The following GLRA3 variants were observed in gnomAD, a reference collection of about 807,000 sequenced individuals.
GLRA3 encodes the protein glycine receptor subunit alpha-3.
In GLRA3, 44 loss-of-function variants were observed where a neutral mutation model predicts 60.4. The observed-to-expected ratio is 0.73, with a 90% CI of 0.57 to 0.94. The LOEUF (loss-of-function observed/expected upper bound fraction) is 0.94, where lower values mean the gene tolerates loss of function less well. Among genes scored for constraint, GLRA3 ranks in the 40% least tolerant of loss-of-function variants. The pLI, the probability that GLRA3 is intolerant of heterozygous loss-of-function variation, is 0.00. For missense variants in GLRA3, 508 were observed against 564.6 expected, an observed-to-expected ratio of 0.90 and a Z score of 1.02; for synonymous variants, 223 against 192.9, an observed-to-expected ratio of 1.16 and a Z score of -1.29.
At chr4:174,692,324 C>G (rs1211507033) in intron 5 of GLRA3, among the ~76,000 whole-genome samples, 3 of 146,022 alleles carry the variant, frequency 2.1e-5, no homozygotes, top group Non-Finnish European at 3.0e-5. Context: ...GTGGGGGGGT[C>G]AGCCCCCCGC....
At chr4:174,797,907 G>C (rs1383015240) in intron 1 of GLRA3, among the ~76,000 whole-genome samples, 1 of 150,606 alleles carries the variant, frequency 6.6e-6, no homozygotes, top group Non-Finnish European at 1.5e-5. Context: ...TTGGGCAACA[G>C]AGTGAGACCC....
rs150923904 is a variant in GLRA3 at position 174,727,551 on chromosome 4, G to A, written c.491+924C>T. On this transcript the variant is annotated intron_variant, in intron 4 of 9. Transcript: ENST00000274093. ...GACATGACATGAATTCTGTTCTTAC[G>A]TCCTGTTCTTCACAACTAAACTAAA... 4.3e-3 allele frequency among the ~76,000 whole-genome samples: 658 copies of A among 152,158 alleles called. 3 individuals carry two copies. The highest frequency in any genetic ancestry group is 0.015 in the African/African-American group (629 of 41,536).
chr4:174,706,287 G>A (rs1364233664), intron 5 of GLRA3, among the ~76,000 whole-genome samples: 1 of 152,102 alleles, frequency 6.6e-6, no homozygotes, highest in Non-Finnish European at 1.5e-5. Flanking sequence ...GATCCGATGG[G>A]TCAAGCTATC....
chr4:174,764,069 A>T (rs1738044170), intron 3 of GLRA3, among the ~76,000 whole-genome samples: 1 of 152,206 alleles, frequency 6.6e-6, no homozygotes. Context: ...GATTAACAAT[A>T]TTGGGAAAGG....
intron 9 of GLRA3, among the ~76,000 whole-genome samples, chr4:174,644,862 T>C (rs370881425): frequency 6.6e-6 from 1 of 151,720 alleles, no homozygotes; most frequent in East Asian, 1.9e-4. Flanking sequence ...AAAATTTAAA[T>C]AAAAAATTAT....
At chr4:174,793,883 GA>G (rs1360289038) in intron 1 of GLRA3, among the ~76,000 whole-genome samples, 2 of 151,294 alleles carry the variant, frequency 1.3e-5, no homozygotes, top group African/African-American at 4.9e-5. Flanking sequence ...GCACAATAAA[GA>G]AAAAATAAAA....
At chr4:174,826,308 T>G (rs570179781) in intron 1 of GLRA3, among the ~76,000 whole-genome samples, 1 of 152,322 alleles carries the variant, frequency 6.6e-6, no homozygotes, top group Admixed American at 6.5e-5. Flanking sequence ...AACATAATGC[T>G]TATAAAAATA....
intron 1 of GLRA3, among the ~76,000 whole-genome samples, chr4:174,812,366 C>T (rs1452305467): frequency 6.6e-6 from 1 of 152,002 alleles, no homozygotes; most frequent in East Asian, 1.9e-4. Flanking sequence ...AGAGTAGGGA[C>T]TCATTCAGAT....
At chr4:174,699,576 AGGAC>A (rs1406261918) in intron 5 of GLRA3, among the ~76,000 whole-genome samples, 1 of 152,146 alleles carries the variant, frequency 6.6e-6, no homozygotes, top group African/African-American at 2.4e-5. Context: ...TATTGTTATG[AGGAC>A]TACTGTAATA....
intron 1 of GLRA3, among the ~76,000 whole-genome samples, chr4:174,799,079 T>G (rs1739702015): frequency 6.6e-6 from 1 of 152,198 alleles, no homozygotes; most frequent in Non-Finnish European, 1.5e-5. Flanking sequence ...TACCTGCAGT[T>G]GAATAAGGAC....
chr4:174,703,800 A>G (rs914802082), intron 5 of GLRA3, among the ~76,000 whole-genome samples: 7 of 152,170 alleles, frequency 4.6e-5, no homozygotes, highest in Admixed American at 1.3e-4. Context: ...ACTGAAGGGT[A>G]TGTTTTCTGA....
intron 9 of GLRA3, among the ~76,000 whole-genome samples, chr4:174,653,968 C>T (rs917785886): frequency 6.6e-6 from 1 of 151,926 alleles, no homozygotes; most frequent in African/African-American, 2.4e-5. Context: ...CAATTTTTGT[C>T]TTATTTGAGA....
chr4:174,783,760 C>G (rs1203704044), intron 2 of GLRA3, among the ~76,000 whole-genome samples: 1 of 150,888 alleles, frequency 6.6e-6, no homozygotes, highest in Non-Finnish European at 1.5e-5. Flanking sequence ...CAAATCAAAA[C>G]CACAATGAGA....
At chr4:174,796,814 C>A (rs1009452458) in intron 1 of GLRA3, among the ~76,000 whole-genome samples, 1 of 152,110 alleles carries the variant, frequency 6.6e-6, no homozygotes, top group Non-Finnish European at 1.5e-5. Context: ...GGATTACAAG[C>A]ATAAGCCACC....
intron 3 of GLRA3, among the ~76,000 whole-genome samples, chr4:174,751,076 T>TATC (rs1737463509): frequency 1.3e-5 from 2 of 149,608 alleles, no homozygotes; most frequent in Non-Finnish European, 3.0e-5. Context: ...TCTATCTATC[T>TATC]ATCTATCTAT....
intron 1 of GLRA3, among the ~76,000 whole-genome samples, chr4:174,796,824 C>G (rs922277079): frequency 4.6e-5 from 7 of 152,114 alleles, no homozygotes. Flanking sequence ...CATAAGCCAC[C>G]GCGCCTGGCC....
chr4:174,811,214 A>G (rs1371533499), intron 1 of GLRA3, among the ~76,000 whole-genome samples: 2 of 150,614 alleles, frequency 1.3e-5, no homozygotes, highest in Non-Finnish European at 3.0e-5. Flanking sequence ...AATGAAAAAT[A>G]AACAGGGAAT....
At chr4:174,654,840 G>T (rs1431076014) in intron 9 of GLRA3, among the ~76,000 whole-genome samples, 1 of 152,086 alleles carries the variant, frequency 6.6e-6, no homozygotes, top group Non-Finnish European at 1.5e-5. Context: ...ATGACATGGT[G>T]CAGTGCGTAA....
rs556358761 is a variant in GLRA3, at chr4:174,681,172, T to C, written c.712+1630A>G. Among the ~76,000 whole-genome samples, 52 of 152,348 alleles carry C rather than the reference T, an allele frequency of 3.4e-4. No homozygotes were observed. The South Asian group carries it at 9.5e-3, about 28-fold the overall frequency. On this transcript the variant is annotated intron_variant, in intron 6 of 9. Transcript: ENST00000274093. ...CTTGCTTATAGTAGGCATTCATAAATGTAAGTTCTTTTCCTTTAAGCTGTA... is the reference window on the plus strand; with the variant it reads ...CTTGCTTATAGTAGGCATTCATAAACGTAAGTTCTTTTCCTTTAAGCTGTA...
Sources: gnomAD v4.1 joint callset for allele counts (sites outside exome capture counted in the v4.1 genomes callset) on GRCh38, gnomAD v4.1.1 for gene constraint, MANE v1.5 for transcripts, NCBI Gene and HGNC (gene_info 2026-07-23, HGNC 2026-07-21) for gene names.